The following SPOCK3 variants were observed in gnomAD, a reference collection of about 807,000 sequenced individuals.
SPOCK3 encodes the protein testican-3.
In SPOCK3, 30 loss-of-function variants were observed where a neutral mutation model predicts 56.6. That is an observed-to-expected ratio of 0.53 (90% CI 0.40 to 0.72). The LOEUF (loss-of-function observed/expected upper bound fraction) is 0.72. Ranked by LOEUF, SPOCK3 falls within the 30% of genes least tolerant of loss-of-function variation. The pLI is 0.00. For synonymous variants in SPOCK3, 196 were observed against 183.3 expected, an observed-to-expected ratio of 1.07 and a Z score of -0.56; for missense variants, 527 against 530.0, an observed-to-expected ratio of 0.99 and a Z score of 0.06.
At chr4:166,902,936 T>C (rs1216191537) in intron 5 of SPOCK3, among the ~76,000 whole-genome samples, 2 of 150,778 alleles carry the variant, frequency 1.3e-5, no homozygotes, top group Non-Finnish European at 3.0e-5. Context: ...CTGTTACTAA[T>C]AATTTGTCTC....
chr4:166,924,268 T>C (rs1738825091), intron 4 of SPOCK3, among the ~76,000 whole-genome samples: 1 of 152,210 alleles, frequency 6.6e-6, no homozygotes, highest in African/African-American at 2.4e-5. Flanking sequence ...CAAAGACTCT[T>C]TTCTGCCCTG....
intron 6 of SPOCK3, among the ~76,000 whole-genome samples, chr4:166,804,324 TCTC>T (rs1276038048): frequency 2.6e-5 from 4 of 152,098 alleles, no homozygotes; most frequent in African/African-American, 4.8e-5. Flanking sequence ...AAGACAATCT[TCTC>T]CTCTTTGCAG....
rs146880036 is a variant in SPOCK3, at chr4:166,928,745, C to T, written c.351-16002G>A. ...CAGCACTTTGGGAGGCCTAGGCGGGCGGATCGTGAGGTCAGCAGTTCGAGA... is the reference window on the plus strand; with the variant it reads ...CAGCACTTTGGGAGGCCTAGGCGGGTGGATCGTGAGGTCAGCAGTTCGAGA... On this transcript the variant is annotated intron_variant, in intron 4 of 10. Transcript: ENST00000357545. Among the ~76,000 whole-genome samples, 263 of 152,108 alleles carry T rather than the reference C, an allele frequency of 1.7e-3. 6 individuals carry two copies. The East Asian group carries it at 0.032, about 18-fold the overall frequency.
At chr4:166,966,530 A>C (rs574870267) in intron 4 of SPOCK3, among the ~76,000 whole-genome samples, 1 of 152,224 alleles carries the variant, frequency 6.6e-6, no homozygotes, top group South Asian at 2.1e-4. Flanking sequence ...TCATGAGTTG[A>C]GGCTAATAAA....
chr4:166,930,095 C>T (rs533143171), intron 4 of SPOCK3, among the ~76,000 whole-genome samples: 107 of 152,118 alleles, frequency 7.0e-4, no homozygotes, highest in Middle Eastern at 3.4e-3. Context: ...ATTCTATATA[C>T]TATTTTTATT....
chr4:167,123,572 C>T (rs1762041192), intron 2 of SPOCK3, among the ~76,000 whole-genome samples: 1 of 151,734 alleles, frequency 6.6e-6, no homozygotes, highest in African/African-American at 2.4e-5. Flanking sequence ...CAAGATGTTC[C>T]ATGGTTCTAG....
At chr4:166,853,050 A>AT (rs1210679828) in intron 6 of SPOCK3, among the ~76,000 whole-genome samples, 13 of 151,862 alleles carry the variant, frequency 8.6e-5, no homozygotes, top group East Asian at 3.9e-4. Flanking sequence ...TTATGATGTG[A>AT]TTTTTTTTCT....
intron 2 of SPOCK3, among the ~76,000 whole-genome samples, chr4:167,065,054 A>AAAAAAAAAAAAAAAAAAAAAAAAAAAC (rs1755989629): frequency 6.7e-6 from 1 of 150,156 alleles, no homozygotes; most frequent in Admixed American, 6.7e-5. Flanking sequence ...AAAAAAAAAA[A>AAAAAAAAAAAAAAAAAAAAAAAAAAAC]AAAAAAGTCA....
intron 7 of SPOCK3, among the ~76,000 whole-genome samples, chr4:166,765,686 G>T (rs6855201): frequency 6.6e-6 from 1 of 151,868 alleles, no homozygotes; most frequent in African/African-American, 2.4e-5. Context: ...TTTTGGTTCC[G>T]TATGAACTTT....
chr4:167,196,817 C>G (rs1318341913), intron 2 of SPOCK3, among the ~76,000 whole-genome samples: 1 of 152,114 alleles, frequency 6.6e-6, no homozygotes. Context: ...CACAGGCCCT[C>G]TCATATACTG....
At chr4:166,788,321 A>G (rs1330201130) in intron 7 of SPOCK3, among the ~76,000 whole-genome samples, 2 of 152,172 alleles carry the variant, frequency 1.3e-5, no homozygotes, top group Admixed American at 1.3e-4. Flanking sequence ...ATCTCCAAGA[A>G]CTTTTGGCAA....
chr4:166,889,295 T>A, intron 5 of SPOCK3, 51 bp from the exon 6 acceptor site: 1 of 1,172,694 alleles, frequency 8.5e-7, no homozygotes, highest in Non-Finnish European at 1.2e-6. Context: ...GTTATATCAG[T>A]AAAACTCAAG....
intron 6 of SPOCK3, among the ~76,000 whole-genome samples, chr4:166,850,829 T>C (rs1729929962): frequency 6.6e-6 from 1 of 151,916 alleles, no homozygotes; most frequent in Non-Finnish European, 1.5e-5. Context: ...ACCCACAGAG[T>C]CTCACTGATT....
At chr4:166,739,765 A>C (rs1731447616) in intron 9 of SPOCK3, among the ~76,000 whole-genome samples, 1 of 152,058 alleles carries the variant, frequency 6.6e-6, no homozygotes, top group Non-Finnish European at 1.5e-5. Flanking sequence ...AAAATAAATA[A>C]ATAAATGGAT....
intron 7 of SPOCK3, among the ~76,000 whole-genome samples, chr4:166,764,879 A>G (rs1396682103): frequency 1.3e-5 from 2 of 151,190 alleles, no homozygotes; most frequent in Non-Finnish European, 2.9e-5. Context: ...AATGATCACC[A>G]TTCTAACTGG....
intron 6 of SPOCK3, among the ~76,000 whole-genome samples, chr4:166,797,233 C>CTTTT (rs1028695610): frequency 3.8e-3 from 302 of 80,522 alleles, no homozygotes; most frequent in East Asian, 6.3e-3. Flanking sequence ...TTCCACCTTT[C>CTTTT]TTTTTTTTTT....
chr4:167,198,499 T>C (rs1262216948), intron 2 of SPOCK3, among the ~76,000 whole-genome samples: 1 of 152,182 alleles, frequency 6.6e-6, no homozygotes, highest in Non-Finnish European at 1.5e-5. Flanking sequence ...AATGACCAAA[T>C]GTCAATTAGA....
chr4:166,986,008 A>G (rs1747117483), intron 4 of SPOCK3, among the ~76,000 whole-genome samples: 1 of 152,186 alleles, frequency 6.6e-6, no homozygotes, highest in African/African-American at 2.4e-5. Context: ...AATCACAGAA[A>G]CTGTAAATTA....
At chr4:166,840,222 T>C (rs1452669409) in intron 6 of SPOCK3, among the ~76,000 whole-genome samples, 1 of 152,126 alleles carries the variant, frequency 6.6e-6, no homozygotes. Flanking sequence ...TTCCACCTAG[T>C]GGAGAGGAAA....
Sources: allele counts gnomAD v4.1 joint callset (sites outside exome capture counted in the v4.1 genomes callset), GRCh38; gene constraint gnomAD v4.1.1; transcripts MANE v1.5; gene names NCBI Gene and HGNC (gene_info 2026-07-23, HGNC 2026-07-21).